The following FBXW10B variants were observed in gnomAD, a reference collection of about 807,000 sequenced individuals.
FBXW10B encodes F-box and WD repeat domain containing protein 10B.
chr17:15,617,652 G>A, the FBXW10B span, among the ~76,000 whole-genome samples: 16 of 152,070 alleles, frequency 1.1e-4, no homozygotes, highest in African/African-American at 3.9e-4. Flanking sequence ...AGCAAGAGCT[G>A]GCTGTTTAAA....
the FBXW10B span, chr17:15,573,349 A>G: frequency 2.0e-5 from 3 of 152,158 alleles, no homozygotes; most frequent in African/African-American, 7.2e-5. Context: ...ACCCCATAGA[A>G]TTCTCCACCT....
chr17:15,587,530 C>T, the FBXW10B span, among the ~76,000 whole-genome samples: 6,994 of 151,374 alleles, frequency 0.046, 417 homozygotes, highest in African/African-American at 0.13. Flanking sequence ...CATCAAGTCA[C>T]TTCTAGCTTT....
the FBXW10B span, chr17:15,598,344 G>A: frequency 0.16 from 109,482 of 706,166 alleles, 9,202 homozygotes; most frequent in East Asian, 0.34. Context: ...TTCTACAGAC[G>A]GTTGTTGAAT....
chr17:15,616,042 ACAAG>A, the FBXW10B span, among the ~76,000 whole-genome samples: 1 of 152,124 alleles, frequency 6.6e-6, no homozygotes, highest in South Asian at 2.1e-4. Context: ...AGTTGTTTAT[ACAAG>A]CAGAGAGAGA....
chr17:15,607,681 A>G, the FBXW10B span: 1 of 1,612,608 alleles, frequency 6.2e-7, no homozygotes, highest in South Asian at 1.1e-5. Context: ...GGTTGTACTC[A>G]TTCTAACAAG....
At chr17:15,572,937 G>A in the FBXW10B span, 3 of 152,086 alleles carry the variant, frequency 2.0e-5, no homozygotes, top group Non-Finnish European at 4.4e-5. Flanking sequence ...CAGCTGCCTG[G>A]GTAAAATAGA....
At chr17:15,588,119 T>C in the FBXW10B span, among the ~76,000 whole-genome samples, 1 of 152,112 alleles carries the variant, frequency 6.6e-6, no homozygotes, top group South Asian at 2.1e-4. Context: ...CATTGTAGAG[T>C]TTTAGATGAT....
chr17:15,588,034 C>T, the FBXW10B span, among the ~76,000 whole-genome samples: 5 of 152,206 alleles, frequency 3.3e-5, no homozygotes, highest in Non-Finnish European at 7.3e-5. Flanking sequence ...CTCAAAAAGC[C>T]TTTCACAAGA....
At chr17:15,608,997 T>C in the FBXW10B span, among the ~76,000 whole-genome samples, 1 of 149,742 alleles carries the variant, frequency 6.7e-6, no homozygotes, top group Non-Finnish European at 1.5e-5. Flanking sequence ...CCCTCCCTCC[T>C]TTGCTTCCTC....
chr17:15,615,709 G>A, the FBXW10B span: 5 of 1,613,858 alleles, frequency 3.1e-6, no homozygotes, highest in African/African-American at 2.7e-5. Flanking sequence ...GAAGGGATGT[G>A]TGCTGAGTTT....
the FBXW10B span, among the ~76,000 whole-genome samples, chr17:15,595,238 G>A: frequency 0.15 from 23,463 of 152,100 alleles, 2,086 homozygotes; most frequent in African/African-American, 0.25. Flanking sequence ...CACTCGGGTG[G>A]CTGAGGCAGG....
the FBXW10B span, among the ~76,000 whole-genome samples, chr17:15,575,369 G>A: frequency 1.4e-5 from 2 of 143,278 alleles, no homozygotes; most frequent in South Asian, 2.1e-4. Context: ...CGCCTCATTG[G>A]TTCCTTCTCT....
At chr17:15,611,482 A>G in the FBXW10B span, among the ~76,000 whole-genome samples, 3 of 152,164 alleles carry the variant, frequency 2.0e-5, no homozygotes, top group Admixed American at 2.0e-4. Context: ...CTCTCAAGAC[A>G]ATAATTAGCC....
chr17:15,616,811 CA>C, the FBXW10B span, among the ~76,000 whole-genome samples: 5,078 of 64,724 alleles, frequency 0.078, 54 homozygotes, highest in Middle Eastern at 0.14. Flanking sequence ...GACTCTGTCT[CA>C]AAAAAAAAAA....
chr17:15,583,666 AAAG>A, the FBXW10B span, among the ~76,000 whole-genome samples: 7 of 151,174 alleles, frequency 4.6e-5, no homozygotes, highest in African/African-American at 1.7e-4. Flanking sequence ...CAGACCCAGG[AAAG>A]AAGAAGCTCA....
the FBXW10B span, among the ~76,000 whole-genome samples, chr17:15,600,170 G>C: frequency 6.6e-6 from 1 of 151,416 alleles, no homozygotes; most frequent in Non-Finnish European, 1.5e-5. Context: ...GAGCCGAGAT[G>C]GCGCCACTGC....
At chr17:15,590,367 G>A in the FBXW10B span, among the ~76,000 whole-genome samples, 1 of 147,768 alleles carries the variant, frequency 6.8e-6, no homozygotes, top group African/African-American at 2.6e-5. Flanking sequence ...TTTGTAAGCT[G>A]AGCGATGCAG....
the FBXW10B span, among the ~76,000 whole-genome samples, chr17:15,567,781 C>T: frequency 2.0e-5 from 3 of 152,132 alleles, no homozygotes; most frequent in Admixed American, 2.0e-4. Flanking sequence ...AATAAAAGTA[C>T]ATTGTTAGGG....
chr17:15,584,619 A>C, the FBXW10B span, among the ~76,000 whole-genome samples: 1 of 152,222 alleles, frequency 6.6e-6, no homozygotes, highest in Non-Finnish European at 1.5e-5. Context: ...TCTGAAGTCC[A>C]CTGATTGTGG....
Sources: allele counts gnomAD v4.1 joint callset (sites outside exome capture counted in the v4.1 genomes callset), GRCh38; gene constraint gnomAD v4.1.1; transcripts MANE v1.5; gene names NCBI Gene and HGNC (gene_info 2026-07-23, HGNC 2026-07-21).